Variants in LRMDA observed in about 807,000 individuals in gnomAD.
The protein encoded by LRMDA is leucine-rich melanocyte differentiation-associated protein.
LRMDA carries 18 observed loss-of-function variants against 29.8 expected under a neutral mutation model. The observed-to-expected ratio is 0.60, with a 90% CI of 0.42 to 0.90. LRMDA has a LOEUF of 0.90. LRMDA is among the 40% of genes least tolerant of loss of function. LRMDA has a pLI of 0.00. For synonymous variants in LRMDA, 125 were observed against 109.4 expected, an observed-to-expected ratio of 1.14 and a Z score of -0.89; for missense variants, 273 against 273.9, an observed-to-expected ratio of 1.00 and a Z score of 0.02.
At chr10:75,611,515 T>C (rs1841031527) in intron 2 of LRMDA, among the ~76,000 whole-genome samples, 1 of 152,178 alleles carries the variant, frequency 6.6e-6, no homozygotes, top group Non-Finnish European at 1.5e-5. Context: ...AGCCACTTGC[T>C]ATTTCCCCAC....
intron 2 of LRMDA, among the ~76,000 whole-genome samples, chr10:75,865,735 T>C (rs1845007606): frequency 6.6e-6 from 1 of 152,208 alleles, no homozygotes; most frequent in African/African-American, 2.4e-5. Context: ...TTGACTTATA[T>C]GGAGGAATAA....
chr10:75,941,181 T>A (rs1846384614), intron 2 of LRMDA, among the ~76,000 whole-genome samples: 1 of 152,128 alleles, frequency 6.6e-6, no homozygotes, highest in Non-Finnish European at 1.5e-5. Flanking sequence ...CACGCTGTAT[T>A]GGAAATGCCG....
At chr10:75,612,713 A>G (rs888862813) in intron 2 of LRMDA, among the ~76,000 whole-genome samples, 17 of 150,774 alleles carry the variant, frequency 1.1e-4, no homozygotes, top group African/African-American at 4.1e-4. Context: ...AATAGTGTGG[A>G]TAAGAACTGA....
At chr10:75,865,119 T>G (rs1844998707) in intron 2 of LRMDA, among the ~76,000 whole-genome samples, 1 of 152,216 alleles carries the variant, frequency 6.6e-6, no homozygotes, top group African/African-American at 2.4e-5. Context: ...CATAGCTAAG[T>G]TTTAAATGAA....
At chr10:76,229,300 A>T (rs1242902257) in intron 5 of LRMDA, among the ~76,000 whole-genome samples, 1 of 152,178 alleles carries the variant, frequency 6.6e-6, no homozygotes, top group Non-Finnish European at 1.5e-5. Flanking sequence ...ACCCCGTGAG[A>T]TTCGAAGCTT....
intron 2 of LRMDA, among the ~76,000 whole-genome samples, chr10:75,662,504 T>A (rs16932528): frequency 0.031 from 4,684 of 152,246 alleles, 252 homozygotes; most frequent in African/African-American, 0.11. Context: ...AAGCAACAAA[T>A]CTTTACTAGT....
At chr10:76,504,050 G>T (rs750191552) in intron 6 of LRMDA, among the ~76,000 whole-genome samples, 2 of 151,580 alleles carry the variant, frequency 1.3e-5, no homozygotes, top group African/African-American at 2.4e-5. Flanking sequence ...TAATTTCAAA[G>T]AATTTTTTTT....
intron 6 of LRMDA, among the ~76,000 whole-genome samples, chr10:76,370,238 TA>T (rs1322682178): frequency 6.6e-6 from 1 of 150,510 alleles, no homozygotes; most frequent in African/African-American, 2.4e-5. Context: ...TATATAAGGG[TA>T]AAAAAAAACA....
chr10:76,382,765 C>T (rs896491826), intron 6 of LRMDA, among the ~76,000 whole-genome samples: 8 of 152,184 alleles, frequency 5.3e-5, no homozygotes, highest in Non-Finnish European at 1.0e-4. Flanking sequence ...GAGTGACTTT[C>T]TTCCCTCATT....
chr10:76,478,372 T>G (rs57352782), intron 6 of LRMDA, among the ~76,000 whole-genome samples: 109,805 of 151,332 alleles, frequency 0.73, 40,552 homozygotes, highest in Non-Finnish European at 0.81. Flanking sequence ...AGTTCGAATG[T>G]CGATCATTAA....
intron 2 of LRMDA, among the ~76,000 whole-genome samples, chr10:76,023,335 A>T (rs1393505160): frequency 6.6e-6 from 1 of 152,188 alleles, no homozygotes; most frequent in East Asian, 1.9e-4. Context: ...GATGAAGAAA[A>T]GCAGGCGGGA....
At chr10:76,293,395 A>G (rs1589414700) in intron 5 of LRMDA, among the ~76,000 whole-genome samples, 1 of 152,232 alleles carries the variant, frequency 6.6e-6, no homozygotes. Context: ...TGTTGATTAG[A>G]CTACCCAAAA....
At chr10:76,323,171 G>A (rs1451775027) in intron 5 of LRMDA, among the ~76,000 whole-genome samples, 1 of 151,994 alleles carries the variant, frequency 6.6e-6, no homozygotes, top group East Asian at 1.9e-4. Context: ...TTTCTACCTA[G>A]GGACAGAGCT....
At chr10:76,190,777 G>T (rs1023292172) in intron 5 of LRMDA, among the ~76,000 whole-genome samples, 1 of 152,168 alleles carries the variant, frequency 6.6e-6, no homozygotes, top group South Asian at 2.1e-4. Context: ...ATTTGGAATT[G>T]TCAACAAACA....
intron 6 of LRMDA, among the ~76,000 whole-genome samples, chr10:76,338,236 A>G (rs1371954113): frequency 1.3e-5 from 2 of 152,198 alleles, no homozygotes; most frequent in Non-Finnish European, 2.9e-5. Context: ...GCATATACCT[A>G]CAAGCTCAGA....
chr10:76,011,894 G>C lies in LRMDA; in HGVS notation c.132-24114G>C, dbSNP rs80015168. 4.7e-3 allele frequency among the ~76,000 whole-genome samples: 710 copies of C among 152,316 alleles called. 35 individuals are homozygous for C. The East Asian group carries it at 0.11, about 24-fold the overall frequency. On this transcript the variant is annotated intron_variant, in intron 2 of 6. Transcript: ENST00000611255. ...TGTCTCCAGATTGCATGGGATGGAA[G>C]GAGGAGACCAGAGGTGAGGGCAAGC...
chr10:76,070,534 T>G (rs1454088085), intron 5 of LRMDA, among the ~76,000 whole-genome samples: 3 of 152,316 alleles, frequency 2.0e-5, no homozygotes, highest in Admixed American at 6.5e-5. Context: ...GATTAGGGTC[T>G]CATTTAACCT....
chr10:75,949,901 A>G (rs896398929), intron 2 of LRMDA, among the ~76,000 whole-genome samples: 1 of 152,190 alleles, frequency 6.6e-6, no homozygotes, highest in Non-Finnish European at 1.5e-5. Flanking sequence ...AAGTGTGGAT[A>G]CTACCAAGGC....
chr10:76,212,425 A>G (rs1317992638), intron 5 of LRMDA, among the ~76,000 whole-genome samples: 1 of 152,114 alleles, frequency 6.6e-6, no homozygotes, highest in African/African-American at 2.4e-5. Flanking sequence ...TTTTTTTTCT[A>G]ATTATTGCTT....
Sources: gnomAD v4.1 joint callset for allele counts (sites outside exome capture counted in the v4.1 genomes callset) on GRCh38, gnomAD v4.1.1 for gene constraint, MANE v1.5 for transcripts, NCBI Gene and HGNC (gene_info 2026-07-23, HGNC 2026-07-21) for gene names.